The following SGCZ variants were observed in gnomAD, a reference collection of about 807,000 sequenced individuals.
The protein encoded by SGCZ is sarcoglycan zeta, also known as zeta-sarcoglycan.
Under a neutral mutation model 41.3 loss-of-function variants are expected in SGCZ, and 40 were observed. The ratio of observed to expected loss-of-function variants is 0.97; its 90% CI spans 0.75 to 1.26. The LOEUF (loss-of-function observed/expected upper bound fraction) is 1.26, where lower values mean the gene tolerates loss of function less well. Ranked by LOEUF, SGCZ falls within the 50% of genes most tolerant of loss-of-function variation. The pLI is 0.00. For synonymous variants in SGCZ, 206 were observed against 137.5 expected (o/e 1.50, Z -3.49); for missense variants, 552 against 369.8 (o/e 1.49, Z -4.04).
chr8:14,369,740 C>A (rs1457696119), intron 2 of SGCZ, among the ~76,000 whole-genome samples: 1 of 151,786 alleles, frequency 6.6e-6, no homozygotes, highest in African/African-American at 2.4e-5. Context: ...TCTGCATTTA[C>A]TTCTTGCTAT....
intron 3 of SGCZ, among the ~76,000 whole-genome samples, chr8:14,249,885 G>A (rs1034781323): frequency 1.3e-5 from 2 of 152,174 alleles, no homozygotes; most frequent in African/African-American, 4.8e-5. Context: ...AGCAATGTAA[G>A]TATGTCTAGC....
At chr8:15,011,956 C>A (rs1343794765) in intron 1 of SGCZ, among the ~76,000 whole-genome samples, 2 of 152,122 alleles carry the variant, frequency 1.3e-5, no homozygotes, top group Admixed American at 6.6e-5. Flanking sequence ...GCATAATTTA[C>A]CAAGAAATTA....
intron 1 of SGCZ, among the ~76,000 whole-genome samples, chr8:14,927,247 T>C (rs977618822): frequency 6.6e-6 from 1 of 151,696 alleles, no homozygotes; most frequent in Non-Finnish European, 1.5e-5. Flanking sequence ...CAGCTGGGAC[T>C]ACAGGCGTCC....
At chr8:14,675,836 C>T (rs1340751707) in intron 1 of SGCZ, among the ~76,000 whole-genome samples, 1 of 152,162 alleles carries the variant, frequency 6.6e-6, no homozygotes, top group African/African-American at 2.4e-5. Flanking sequence ...AATTTCCAAA[C>T]TGCTGTGCAG....
chr8:14,990,474 A>T (rs1393046512), intron 1 of SGCZ, among the ~76,000 whole-genome samples: 1 of 152,012 alleles, frequency 6.6e-6, no homozygotes, highest in Non-Finnish European at 1.5e-5. Context: ...CCCATCAACC[A>T]CAGCATTAGA....
chr8:14,248,716 A>G (rs2117200454), intron 3 of SGCZ, among the ~76,000 whole-genome samples: 1 of 150,738 alleles, frequency 6.6e-6, no homozygotes, highest in South Asian at 2.1e-4. Context: ...ATATATTTTC[A>G]TTTATGATAA....
At chr8:14,398,623 C>A (rs1798985999) in intron 2 of SGCZ, among the ~76,000 whole-genome samples, 1 of 138,432 alleles carries the variant, frequency 7.2e-6, no homozygotes, top group Admixed American at 6.9e-5. Flanking sequence ...AGAAAAGGCT[C>A]AAGATTTTTA....
intron 5 of SGCZ, among the ~76,000 whole-genome samples, chr8:14,152,578 C>A (rs1201190601): frequency 6.6e-6 from 1 of 152,124 alleles, no homozygotes; most frequent in Non-Finnish European, 1.5e-5. Context: ...AAATTGAATT[C>A]TTGCAGGAAA....
In SGCZ at chr8:14,935,311, T is replaced by C. The variant is rs1432357560; in HGVS notation, c.39+302274A>G. On this transcript the variant is annotated intron_variant, in intron 1 of 7. Coordinates refer to ENST00000382080, the MANE Select transcript of SGCZ (RefSeq NM_139167.4). ...CATTATTTGCTTAATACTACATTTG[T>C]GACATTCTTCCATGTTGACATACAT... Among the ~76,000 whole-genome samples, 4 of 151,950 alleles carry C rather than the reference T, an allele frequency of 2.6e-5. No homozygotes were observed. In the East Asian group the frequency reaches 5.8e-4, roughly 22 times the overall value.
chr8:14,931,556 C>G (rs1490733913), intron 1 of SGCZ, among the ~76,000 whole-genome samples: 1 of 151,816 alleles, frequency 6.6e-6, no homozygotes, highest in Non-Finnish European at 1.5e-5. Context: ...TTTTAGCAAC[C>G]TGGCTTTTGT....
intron 4 of SGCZ, among the ~76,000 whole-genome samples, chr8:14,196,667 A>G (rs1209510167): frequency 2.6e-5 from 4 of 152,206 alleles, no homozygotes; most frequent in Non-Finnish European, 5.9e-5. Flanking sequence ...AATAAACAAC[A>G]GGTAGTAAAT....
intron 1 of SGCZ, among the ~76,000 whole-genome samples, chr8:15,030,474 G>T (rs1485748861): frequency 6.6e-6 from 1 of 152,006 alleles, no homozygotes; most frequent in African/African-American, 2.4e-5. Flanking sequence ...AAAGTTTTAG[G>T]TGAAAATTTG....
At chr8:14,215,013 T>C (rs1288888763) in intron 4 of SGCZ, among the ~76,000 whole-genome samples, 1 of 152,086 alleles carries the variant, frequency 6.6e-6, no homozygotes, top group Non-Finnish European at 1.5e-5. Context: ...TATCAAACAA[T>C]GGGACCTCAT....
At chr8:14,950,070 C>G (rs1424686691) in intron 1 of SGCZ, among the ~76,000 whole-genome samples, 2 of 152,014 alleles carry the variant, frequency 1.3e-5, no homozygotes, top group East Asian at 3.9e-4. Context: ...TTCAATAAAT[C>G]AGGATCCAAA....
At chr8:14,225,941 G>A (rs1336263907) in intron 4 of SGCZ, among the ~76,000 whole-genome samples, 4 of 151,944 alleles carry the variant, frequency 2.6e-5, no homozygotes, top group South Asian at 2.1e-4. Flanking sequence ...AGTTACACAC[G>A]TATCATAGAC....
chr8:14,331,187 A>C lies in SGCZ; in HGVS notation c.235-6983T>G, dbSNP rs113898591. Among the ~76,000 whole-genome samples, 682 of 152,102 alleles carry C rather than the reference A, an allele frequency of 4.5e-3. 4 individuals are homozygous for C. The highest frequency in any genetic ancestry group is 7.0e-3 in the Non-Finnish European group (475 of 67,910). On this transcript the variant is annotated intron_variant, in intron 2 of 7. Coordinates refer to ENST00000382080, the MANE Select transcript of SGCZ (RefSeq NM_139167.4). ...CATTAAGAATTAAATATTTTCAATA[A>C]AATAAAAGGAATACATAAAGAATGG...
chr8:14,162,246 G>C (rs1471242884), intron 5 of SGCZ, among the ~76,000 whole-genome samples: 2 of 152,126 alleles, frequency 1.3e-5, no homozygotes, highest in Non-Finnish European at 2.9e-5. Flanking sequence ...AAGAACTCTA[G>C]AATCTCCCTT....
intron 4 of SGCZ, among the ~76,000 whole-genome samples, chr8:14,192,017 C>G (rs1404439321): frequency 6.6e-6 from 1 of 151,930 alleles, no homozygotes; most frequent in Non-Finnish European, 1.5e-5. Flanking sequence ...TATAAACATA[C>G]TATTAATAGG....
At chr8:14,573,268 G>A (rs1036545202) in intron 1 of SGCZ, among the ~76,000 whole-genome samples, 1 of 140,488 alleles carries the variant, frequency 7.1e-6, no homozygotes, top group Non-Finnish European at 1.5e-5. Flanking sequence ...CGCTGTCTCG[G>A]CTCACTGCAA....
Sources: allele counts gnomAD v4.1 joint callset (sites outside exome capture counted in the v4.1 genomes callset), GRCh38; gene constraint gnomAD v4.1.1; transcripts MANE v1.5; gene names NCBI Gene and HGNC (gene_info 2026-07-23, HGNC 2026-07-21).